LRRC4C: variants seen among roughly 807,000 people sequenced by gnomAD.
LRRC4C encodes leucine rich repeat containing 4C, also known as leucine-rich repeat-containing protein 4C.
Under a neutral mutation model 33.6 loss-of-function variants are expected in LRRC4C, and 5 were observed. The observed-to-expected ratio is 0.15, with a 90% CI of 0.08 to 0.31. The LOEUF (loss-of-function observed/expected upper bound fraction) is 0.31. Among genes scored for constraint, LRRC4C ranks in the 10% least tolerant of loss-of-function variants. LRRC4C has a pLI of 1.00. For synonymous variants in LRRC4C, 329 were observed against 302.0 expected (o/e 1.09, Z -0.93); for missense variants, 560 against 796.7 (o/e 0.70, Z 3.58).
intron 5 of LRRC4C, among the ~76,000 whole-genome samples, chr11:40,144,183 T>C (rs1458041641): frequency 6.6e-6 from 1 of 152,162 alleles, no homozygotes; most frequent in African/African-American, 2.4e-5. Flanking sequence ...AATGAGATGA[T>C]ACCCATAAAC....
intron 1 of LRRC4C, among the ~76,000 whole-genome samples, chr11:41,271,346 A>C (rs183498189): frequency 6.6e-6 from 1 of 152,230 alleles, no homozygotes; most frequent in East Asian, 1.9e-4. Flanking sequence ...GTTAGAGTCT[A>C]TGGAACCTAA....
At chr11:40,528,221 C>A (rs1163293415) in intron 3 of LRRC4C, among the ~76,000 whole-genome samples, 1 of 152,044 alleles carries the variant, frequency 6.6e-6, no homozygotes, top group Non-Finnish European at 1.5e-5. Context: ...GTAAAGGAAA[C>A]AATCCACAGA....
chr11:41,349,257 A>G (rs1951897855), intron 1 of LRRC4C, among the ~76,000 whole-genome samples: 1 of 151,756 alleles, frequency 6.6e-6, no homozygotes, highest in Non-Finnish European at 1.5e-5. Flanking sequence ...TGTAACCCCA[A>G]CCTCAGCCTT....
chr11:41,030,075 T>G (rs1381589790), intron 1 of LRRC4C, among the ~76,000 whole-genome samples: 1 of 151,826 alleles, frequency 6.6e-6, no homozygotes, highest in Non-Finnish European at 1.5e-5. Flanking sequence ...GTATGTACAT[T>G]TTGCAATTCA....
At chr11:41,101,979 T>C (rs113034207) in intron 1 of LRRC4C, among the ~76,000 whole-genome samples, 1,580 of 152,014 alleles carry the variant, frequency 0.01, 28 homozygotes, top group African/African-American at 0.035. Flanking sequence ...TGGGGCCTAC[T>C]TGAGGGTAAA....
chr11:40,363,141 G>T (rs914447679), intron 3 of LRRC4C, among the ~76,000 whole-genome samples: 1 of 152,122 alleles, frequency 6.6e-6, no homozygotes, highest in African/African-American at 2.4e-5. Flanking sequence ...CAGTAGCAAA[G>T]ACATGAAATC....
intron 1 of LRRC4C, among the ~76,000 whole-genome samples, chr11:41,308,498 CA>C (rs1287427664): frequency 2.6e-5 from 4 of 152,074 alleles, no homozygotes; most frequent in African/African-American, 9.7e-5. Flanking sequence ...TGGGTGGGGA[CA>C]GGGGCATCAA....
At chr11:40,901,217 G>C (rs957255498) in intron 2 of LRRC4C, among the ~76,000 whole-genome samples, 1 of 152,002 alleles carries the variant, frequency 6.6e-6, no homozygotes, top group Non-Finnish European at 1.5e-5. Context: ...TGCACTCCTG[G>C]TAAGGACACA....
chr11:40,988,463 A>C (rs1300658483), intron 1 of LRRC4C, among the ~76,000 whole-genome samples: 1 of 152,118 alleles, frequency 6.6e-6, no homozygotes, highest in Non-Finnish European at 1.5e-5. Flanking sequence ...AGTAGAGGGG[A>C]TAAAACAATC....
At chr11:41,386,872 T>C (rs566858125) in intron 1 of LRRC4C, among the ~76,000 whole-genome samples, 1 of 151,828 alleles carries the variant, frequency 6.6e-6, no homozygotes, top group East Asian at 1.9e-4. Context: ...TCTTTATTCT[T>C]TTGTCTTTAT....
At chr11:40,404,720 A>T (rs1949895214) in intron 3 of LRRC4C, among the ~76,000 whole-genome samples, 1 of 152,014 alleles carries the variant, frequency 6.6e-6, no homozygotes, top group South Asian at 2.1e-4. Flanking sequence ...TGACAATAAT[A>T]TTCCCATGTT....
intron 1 of LRRC4C, among the ~76,000 whole-genome samples, chr11:41,027,258 A>G (rs1856440560): frequency 6.6e-6 from 1 of 151,730 alleles, no homozygotes. Flanking sequence ...AAGCATTGTC[A>G]TATCATGTCA....
intron 1 of LRRC4C, among the ~76,000 whole-genome samples, chr11:41,105,310 C>T (rs1435440907): frequency 6.6e-6 from 1 of 152,024 alleles, no homozygotes; most frequent in Non-Finnish European, 1.5e-5. Context: ...GTCTAAGCAT[C>T]ATCCCATCCA....
At position 40,426,073 on chromosome 11, in the gene LRRC4C, G is replaced by T. The variant is rs537042779; in HGVS notation, c.-269-106352C>A. On this transcript the variant is annotated intron_variant, in intron 3 of 6. Transcript: ENST00000528697. The stretch of plus-strand genomic sequence containing the variant: ...CTGTCACCCAGACTGGAGTGCAGTG[G>T]CGCGATCTTGGCTCACTGCAACCTC... Among the ~76,000 whole-genome samples, 12 of 150,882 alleles carry T rather than the reference G, an allele frequency of 8.0e-5. No homozygotes were observed. In the South Asian group the frequency reaches 2.5e-3, roughly 32 times the overall value.
intron 1 of LRRC4C, among the ~76,000 whole-genome samples, chr11:41,233,461 T>C (rs1024424123): frequency 3.9e-5 from 6 of 152,078 alleles, no homozygotes; most frequent in African/African-American, 1.4e-4. Context: ...CTACATAGTC[T>C]ATGTTTAAAT....
chr11:41,210,571 A>G (rs1946782560), intron 1 of LRRC4C, among the ~76,000 whole-genome samples: 1 of 152,158 alleles, frequency 6.6e-6, no homozygotes. Flanking sequence ...GACTAATACA[A>G]TGATCCTTTG....
rs946475868 is a variant in LRRC4C, at chr11:41,328,475, G to T, written c.-496+130956C>A. 3.3e-5 allele frequency among the ~76,000 whole-genome samples: 5 copies of T among 151,930 alleles called. No individual in the cohort carries two copies. In the East Asian group the frequency reaches 5.8e-4, roughly 18 times the overall value. ...TATGTGTACCTAGCGTGGGTTAAGG[G>T]CATACTCCAGACAAAGCCACCACAC... is the stretch of plus-strand genomic sequence containing the variant. On this transcript the variant is annotated intron_variant, in intron 1 of 6. Transcript: ENST00000528697.
chr11:41,051,275 T>A (rs1327637938), intron 1 of LRRC4C, among the ~76,000 whole-genome samples: 2 of 152,128 alleles, frequency 1.3e-5, no homozygotes, highest in African/African-American at 2.4e-5. Flanking sequence ...TAATTGTACT[T>A]CCTTGCATAT....
chr11:41,379,332 G>A (rs1285574586), intron 1 of LRRC4C, among the ~76,000 whole-genome samples: 2 of 152,062 alleles, frequency 1.3e-5, no homozygotes, highest in African/African-American at 2.4e-5. Flanking sequence ...GATTCTTCCT[G>A]TAGAGTTCTC....
Sources: gnomAD v4.1 joint callset for allele counts (sites outside exome capture counted in the v4.1 genomes callset) on GRCh38, gnomAD v4.1.1 for gene constraint, MANE v1.5 for transcripts, NCBI Gene and HGNC (gene_info 2026-07-23, HGNC 2026-07-21) for gene names.